KCNIP4: variants seen among roughly 807,000 people sequenced by gnomAD.
KCNIP4 encodes the protein potassium voltage-gated channel interacting protein 4.
In KCNIP4, 12 loss-of-function variants were observed where a neutral mutation model predicts 34.0. That is an observed-to-expected ratio of 0.35 (90% confidence interval 0.23 to 0.57). KCNIP4 has a LOEUF of 0.57. KCNIP4 is among the 20% of genes least tolerant of loss of function. The probability of loss-of-function intolerance (pLI) is 0.83; values close to 1 mark genes in which losing one functional copy is unlikely to be tolerated. For synonymous variants in KCNIP4, 124 were observed against 102.2 expected, an observed-to-expected ratio of 1.21 and a Z score of -1.29; for missense variants, 238 against 311.7, an observed-to-expected ratio of 0.76 and a Z score of 1.78.
At chr4:21,445,677 G>T (rs1342353381) in intron 1 of KCNIP4, among the ~76,000 whole-genome samples, 2 of 152,130 alleles carry the variant, frequency 1.3e-5, no homozygotes, top group Non-Finnish European at 2.9e-5. Flanking sequence ...AACCCTAGAA[G>T]AAAACCTAGG....
chr4:21,158,953 T>G (rs1029912908), intron 1 of KCNIP4, among the ~76,000 whole-genome samples: 16 of 152,118 alleles, frequency 1.1e-4, no homozygotes, highest in African/African-American at 3.6e-4. Context: ...AAAAATAACT[T>G]CCATTAAATT....
intron 1 of KCNIP4, among the ~76,000 whole-genome samples, chr4:21,930,943 GC>G: frequency 6.6e-6 from 1 of 152,250 alleles, no homozygotes; most frequent in South Asian, 2.1e-4. Flanking sequence ...CCAACCATCA[GC>G]AGACCCTGTT....
intron 1 of KCNIP4, among the ~76,000 whole-genome samples, chr4:20,891,275 T>C (rs75288321): frequency 0.031 from 4,686 of 152,210 alleles, 88 homozygotes; most frequent in Non-Finnish European, 0.043. Flanking sequence ...CAAATAATGT[T>C]TCTACAGATC....
At chr4:21,204,080 C>T (rs1308496549) in intron 1 of KCNIP4, among the ~76,000 whole-genome samples, 1 of 152,144 alleles carries the variant, frequency 6.6e-6, no homozygotes, top group Non-Finnish European at 1.5e-5. Flanking sequence ...GTGCCCCAGT[C>T]GGTACTTGAT....
chr4:20,771,007 ATTAG>A (rs1288062458), intron 3 of KCNIP4, among the ~76,000 whole-genome samples: 11 of 152,204 alleles, frequency 7.2e-5, no homozygotes, highest in Non-Finnish European at 1.3e-4. Context: ...ATTTCCATGT[ATTAG>A]TTATTATAAG....
At chr4:21,003,865 G>A (rs971854887) in intron 1 of KCNIP4, among the ~76,000 whole-genome samples, 2 of 152,160 alleles carry the variant, frequency 1.3e-5, no homozygotes, top group Admixed American at 6.6e-5. Flanking sequence ...ACAGCCTAAA[G>A]CAAAGGTATG....
chr4:21,715,419 C>A (rs771675776), intron 1 of KCNIP4, among the ~76,000 whole-genome samples: 9 of 151,892 alleles, frequency 5.9e-5, no homozygotes, highest in African/African-American at 9.7e-5. Flanking sequence ...TGTGAGCCAC[C>A]GCGCCCAGCC....
At chr4:21,513,245 C>A (rs575541817) in intron 1 of KCNIP4, among the ~76,000 whole-genome samples, 1 of 152,344 alleles carries the variant, frequency 6.6e-6, no homozygotes, top group East Asian at 1.9e-4. Context: ...AATCCATCTA[C>A]CTCCACATGT....
At chr4:21,892,835 T>C (rs922073745) in intron 1 of KCNIP4, among the ~76,000 whole-genome samples, 1 of 152,130 alleles carries the variant, frequency 6.6e-6, no homozygotes, top group Non-Finnish European at 1.5e-5. Context: ...ACAAAATAGA[T>C]ATGTTATTCC....
chr4:20,851,737 A>G (rs1006252141), intron 2 of KCNIP4, among the ~76,000 whole-genome samples: 20 of 152,210 alleles, frequency 1.3e-4, no homozygotes, highest in African/African-American at 4.8e-4. Flanking sequence ...AGAAGATCAC[A>G]AATAGTCCAA....
intron 1 of KCNIP4, among the ~76,000 whole-genome samples, chr4:21,808,856 A>T (rs574863166): frequency 6.6e-6 from 1 of 152,184 alleles, no homozygotes; most frequent in East Asian, 1.9e-4. Flanking sequence ...AGGAGCTACA[A>T]AAGCTCTACT....
At chr4:20,959,296 T>C (rs1305600738) in intron 1 of KCNIP4, among the ~76,000 whole-genome samples, 4 of 152,172 alleles carry the variant, frequency 2.6e-5, no homozygotes, top group Non-Finnish European at 5.9e-5. Context: ...TGTCTTCTGT[T>C]ATTACAATTG....
At chr4:21,483,006 C>T (rs1257580575) in intron 1 of KCNIP4, among the ~76,000 whole-genome samples, 1 of 144,688 alleles carries the variant, frequency 6.9e-6, no homozygotes, top group Non-Finnish European at 1.5e-5. Context: ...AAACAAACAC[C>T]GCATAGGTGG....
At chr4:21,944,608 G>A (rs902387641) in intron 1 of KCNIP4, among the ~76,000 whole-genome samples, 20 of 149,344 alleles carry the variant, frequency 1.3e-4, no homozygotes, top group African/African-American at 4.9e-4. Flanking sequence ...AGAGAAAGGA[G>A]AATAATTCAG....
intron 1 of KCNIP4, among the ~76,000 whole-genome samples, chr4:21,945,762 C>T (rs1418438502): frequency 6.6e-6 from 1 of 151,720 alleles, no homozygotes; most frequent in Non-Finnish European, 1.5e-5. Flanking sequence ...AGTCTCTCCA[C>T]TGTTAGCAGG....
intron 3 of KCNIP4, among the ~76,000 whole-genome samples, chr4:20,779,958 G>T (rs974701503): frequency 2.0e-5 from 3 of 152,204 alleles, no homozygotes; most frequent in Non-Finnish European, 4.4e-5. Context: ...TAGACAGTAA[G>T]AGAGTAAATT....
intron 3 of KCNIP4, among the ~76,000 whole-genome samples, chr4:20,806,227 T>C (rs1715067995): frequency 6.6e-6 from 1 of 152,044 alleles, no homozygotes; most frequent in South Asian, 2.1e-4. Flanking sequence ...TCCTTCCTTA[T>C]ATGTCTTCTA....
intron 1 of KCNIP4, among the ~76,000 whole-genome samples, chr4:21,394,453 C>G (rs1722812321): frequency 6.6e-6 from 1 of 152,136 alleles, no homozygotes; most frequent in Non-Finnish European, 1.5e-5. Flanking sequence ...AATTCAAAAA[C>G]TAAACATATT....
At chr4:21,026,606 A>G (rs762920885) in intron 1 of KCNIP4, among the ~76,000 whole-genome samples, 2 of 152,204 alleles carry the variant, frequency 1.3e-5, no homozygotes, top group Non-Finnish European at 2.9e-5. Context: ...ATGAGCTGAG[A>G]TCGTGCCACT....
Sources: gnomAD v4.1 joint callset for allele counts (sites outside exome capture counted in the v4.1 genomes callset) on GRCh38, gnomAD v4.1.1 for gene constraint, MANE v1.5 for transcripts, NCBI Gene and HGNC (gene_info 2026-07-23, HGNC 2026-07-21) for gene names.